The following TACC2 variants were observed in gnomAD, a reference collection of about 807,000 sequenced individuals.
TACC2 encodes transforming acidic coiled-coil containing protein 2, also known as transforming acidic coiled-coil-containing protein 2.
TACC2 carries 137 observed loss-of-function variants against 227.3 expected under a neutral mutation model. The observed-to-expected ratio is 0.60, with a 90% CI of 0.52 to 0.69. TACC2 has a LOEUF of 0.69. TACC2 is among the 30% of genes least tolerant of loss of function. The pLI is 0.00. For synonymous variants in TACC2, 1,523 were observed against 1,487.5 expected (o/e 1.02, Z -0.55); for missense variants, 3,470 against 3,694.4 (o/e 0.94, Z 1.57).
At chr10:122,214,452 GGGGA>G (rs943613537) in intron 9 of TACC2, among the ~76,000 whole-genome samples, 2 of 152,162 alleles carry the variant, frequency 1.3e-5, no homozygotes, top group African/African-American at 4.8e-5. Context: ...ATGCAAAGCA[GGGGA>G]GGGTGGTGGG....
intron 1 of TACC2, among the ~76,000 whole-genome samples, chr10:122,020,051 G>T (rs1272988410): frequency 6.6e-6 from 1 of 152,140 alleles, no homozygotes; most frequent in Non-Finnish European, 1.5e-5. Flanking sequence ...TAGTCTGTTT[G>T]TTTAAAAAGC....
chr10:122,003,948 G>A (rs757947962), intron 1 of TACC2, among the ~76,000 whole-genome samples: 5 of 151,886 alleles, frequency 3.3e-5, no homozygotes, highest in African/African-American at 7.2e-5. Flanking sequence ...GAGCTACTGC[G>A]CCCAGCCCTA....
intron 1 of TACC2, among the ~76,000 whole-genome samples, chr10:121,998,991 G>A (rs1017332647): frequency 1.3e-5 from 2 of 151,840 alleles, no homozygotes; most frequent in Non-Finnish European, 2.9e-5. Flanking sequence ...ATGGGAAGCT[G>A]GAGTGGCCAT....
intron 5 of TACC2, among the ~76,000 whole-genome samples, chr10:122,111,115 T>C (rs535489658): frequency 6.6e-6 from 1 of 152,230 alleles, no homozygotes; most frequent in East Asian, 1.9e-4. Flanking sequence ...CATGATGACA[T>C]TGGGTCCACC....
At chr10:122,212,944 A>ATT (rs2095327472) in intron 9 of TACC2, among the ~76,000 whole-genome samples, 1 of 144,230 alleles carries the variant, frequency 6.9e-6, no homozygotes, top group South Asian at 2.2e-4. Context: ...GTGCTCTCTC[A>ATT]TCTGGAATGA....
At position 122,216,757 on chromosome 10, in the gene TACC2, A is replaced by G; in HGVS notation, c.7475A>G (p.Lys2492Arg). The G allele has an allele frequency of 6.2e-7, 1 of 1,614,100 alleles. No individual in the cohort carries two copies. Among genetic ancestry groups the G allele is most frequent in the Non-Finnish European group, 8.5e-7 (1 of 1,180,022 alleles). ...TCMTVDLEAD[K>R]QDYPQPSDLS... The stretch of plus-strand genomic sequence containing the variant: ...ATGACAGTGGACCTAGAGGCTGACA[A>G]ACAGGACTACCCGCAGCCCTCGGAC... Residue 2492 changes from lysine (K) to arginine (R), a missense_variant, in exon 11 of 23, where the codon AAA (lysine) becomes AGA (arginine). Lys to Arg is a conservative substitution (Grantham distance 26, BLOSUM62 2). Transcript: ENST00000369005.
chr10:122,226,401 C>T lies in TACC2; in HGVS notation c.7644C>T (p.Tyr2548=). 4 of 1,614,098 alleles carry T rather than the reference C, an allele frequency of 2.5e-6. No individual in the cohort carries two copies. In the South Asian group the frequency reaches 4.4e-5, roughly 18 times the overall value. Residue 2548 remains tyrosine (Y), a synonymous_variant, in exon 13 of 23, where the codon TAC becomes TAT. Coordinates refer to ENST00000369005, the MANE Select transcript of TACC2 (RefSeq NM_206862.4). The part of the protein sequence containing the change: ...DDDAPKKQAL[Y]LMFDTSQESP... ...ATGCCCCGAAGAAGCAGGCCTTGTA[C>T]CTTATGTTTGACACTTCTCAGGAGA... is the stretch of plus-strand genomic sequence containing the variant.
intron 1 of TACC2, among the ~76,000 whole-genome samples, chr10:122,003,659 T>A (rs949608018): frequency 3.3e-5 from 5 of 151,984 alleles, no homozygotes; most frequent in African/African-American, 9.7e-5. Context: ...ACCACCTTTT[T>A]TTTTTTTCTT....
chr10:122,113,385 C>G (rs1024410690), intron 5 of TACC2, among the ~76,000 whole-genome samples: 2 of 152,252 alleles, frequency 1.3e-5, no homozygotes, highest in African/African-American at 4.8e-5. Flanking sequence ...TGGCTAACTG[C>G]ACATTCGGTC....
intron 5 of TACC2, among the ~76,000 whole-genome samples, chr10:122,104,574 T>A (rs981457900): frequency 6.6e-6 from 1 of 152,144 alleles, no homozygotes; most frequent in Non-Finnish European, 1.5e-5. Flanking sequence ...TTTCACCATA[T>A]TGGCCCAGCT....
Position 122,082,711 on chromosome 10 carries a change from T to C in TACC2, c.211T>C (p.Cys71Arg), listed in dbSNP as rs191313839. 1 of 1,614,084 alleles carries C rather than the reference T, an allele frequency of 6.2e-7. No homozygotes were observed. Among genetic ancestry groups the C allele is most frequent in the African/African-American group, 1.3e-5 (1 of 75,036 alleles). The change falls in exon 4 of 23, where the codon TGC becomes CGC. Residue 71 changes from cysteine (C) to arginine (R), a missense_variant. Coordinates refer to ENST00000369005, the MANE Select transcript of TACC2 (RefSeq NM_206862.4). ...TGAGAGTTCTGCCAGCCTGGATCCA[T>C]GCCTTGTGTCCCCAGAGGTGACTGA... ...ASESSASLDPCLVSPEVTEPR... is the reference protein window; with the variant it reads ...ASESSASLDPRLVSPEVTEPR...
chr10:121,997,996 A>G (rs1953763901), intron 1 of TACC2, among the ~76,000 whole-genome samples: 1 of 152,104 alleles, frequency 6.6e-6, no homozygotes, highest in Non-Finnish European at 1.5e-5. Flanking sequence ...GAGCAGCCAG[A>G]CGCTGCTCAA....
Position 122,127,133 on chromosome 10 carries a change from C to T in TACC2, c.5574-5476C>T, listed in dbSNP as rs58009113. On this transcript the variant is annotated intron_variant, in intron 5 of 22. Transcript: ENST00000369005. ...GTGCCTTGATCTTGGACTTCCCAGC[C>T]TCCAGAACTGTGAGCAATACATCTC... 2.7e-3 allele frequency: 457 copies of T among 168,308 alleles called. 3 individuals are homozygous for T. The highest frequency in any genetic ancestry group is 0.01 in the African/African-American group (420 of 41,854). The allele number at this position is 168,308 out of a possible 1,614,324, so 10.4% of individuals were successfully genotyped here. A position where few individuals can be genotyped will look rare whatever the true frequency, so the allele number is the denominator to read the frequency against.
intron 7 of TACC2, among the ~76,000 whole-genome samples, chr10:122,181,582 AAAGTTACTC>A (rs1341954328): frequency 2.6e-5 from 4 of 152,208 alleles, no homozygotes; most frequent in African/African-American, 9.7e-5. Flanking sequence ...TAACCTGTCC[AAAGTTACTC>A]ACCTCTCATG....
At chr10:122,153,727 G>A (rs1011106737) in intron 7 of TACC2, among the ~76,000 whole-genome samples, 5 of 152,146 alleles carry the variant, frequency 3.3e-5, no homozygotes, top group South Asian at 2.1e-4. Context: ...TTGCACCCTC[G>A]ATGTTATGGA....
intron 5 of TACC2, among the ~76,000 whole-genome samples, chr10:122,121,733 AT>A (rs2085846955): frequency 6.6e-6 from 1 of 152,118 alleles, no homozygotes; most frequent in African/African-American, 2.4e-5. Flanking sequence ...TGGTTCATTC[AT>A]TCCAGTAAAT....
chr10:122,224,658 A>G, intron 11 of TACC2, 68 bp from the exon 12 acceptor site: 3 of 1,470,146 alleles, frequency 2.0e-6, no homozygotes, highest in South Asian at 1.1e-5. Flanking sequence ...AGATCTTCCC[A>G]TTTTTTTCCT....
rs1374062655 is a variant in TACC2 at position 122,254,239 on chromosome 10, A to G, written c.*183A>G. On this transcript the variant is annotated 3_prime_UTR_variant, in exon 23 of 23. Transcript: ENST00000369005. ...AAGGAGACTATCAGAATTTCTTGCT[A>G]TTGGTTTGCATTTTCCTAGTATAAT... is the stretch of plus-strand genomic sequence containing the variant. 5 of 673,104 alleles carry G rather than the reference A, an allele frequency of 7.4e-6. No individual in the cohort carries two copies. The highest frequency in any genetic ancestry group is 5.4e-5 in the African/African-American group (3 of 55,912). The allele number at this position is 673,104 out of a possible 1,614,324, so 41.7% of individuals were successfully genotyped here.
intron 19 of TACC2, among the ~76,000 whole-genome samples, chr10:122,243,264 T>G (rs2096044135): frequency 6.6e-6 from 1 of 152,160 alleles, no homozygotes; most frequent in Admixed American, 6.5e-5. Context: ...TTTTTTTTCT[T>G]CTAAGGATAT....
Sources: allele counts gnomAD v4.1 joint callset (sites outside exome capture counted in the v4.1 genomes callset), GRCh38; gene constraint gnomAD v4.1.1; transcripts MANE v1.5; gene names NCBI Gene and HGNC (gene_info 2026-07-23, HGNC 2026-07-21).